Variants in DYNC2LI1 observed in about 807,000 individuals in gnomAD.
The protein encoded by DYNC2LI1 is dynein cytoplasmic 2 light intermediate chain 1, also known as cytoplasmic dynein 2 light intermediate chain 1.
A neutral mutation model predicts 51.9 loss-of-function variants in DYNC2LI1; 45 were observed. The observed-to-expected ratio is 0.87, with a 90% CI of 0.68 to 1.11. The LOEUF is 1.11. DYNC2LI1 is among the 50% of genes most tolerant of loss of function. The probability of loss-of-function intolerance (pLI) is 0.00; values close to 1 mark genes in which losing one functional copy is unlikely to be tolerated. For synonymous variants in DYNC2LI1, 130 were observed against 137.8 expected (o/e 0.94, Z 0.40); for missense variants, 490 against 417.4 (o/e 1.17, Z -1.51).
chr2:43,808,882 G>A (rs897091455), intron 12 of DYNC2LI1, among the ~76,000 whole-genome samples: 1 of 151,928 alleles, frequency 6.6e-6, no homozygotes, highest in Non-Finnish European at 1.5e-5. Flanking sequence ...AGAGCAATGG[G>A]TTTCCTTCTT....
chr2:43,796,646 A>G (rs1056146431), intron 7 of DYNC2LI1, 72 bp from the exon 8 acceptor site: 16 of 1,101,816 alleles, frequency 1.5e-5, no homozygotes, highest in Admixed American at 3.6e-5. Flanking sequence ...TCTATTCTAC[A>G]TTTAATAATT....
chr2:43,792,587 C>T, intron 5 of DYNC2LI1: 1 of 1,333,034 alleles, frequency 7.5e-7, no homozygotes, highest in Non-Finnish European at 9.9e-7. Context: ...AGTATATTCT[C>T]ATCACCATAC....
chr2:43,799,450 C>G (rs1233836839), intron 8 of DYNC2LI1, among the ~76,000 whole-genome samples: 1 of 152,136 alleles, frequency 6.6e-6, no homozygotes, highest in Non-Finnish European at 1.5e-5. Flanking sequence ...TGTGATAACT[C>G]TCTAATATAG....
At chr2:43,813,694 G>T (rs1418620740), downstream of DYNC2LI1, among the ~76,000 whole-genome samples, 27 of 116,270 alleles carry the variant, frequency 2.3e-4, no homozygotes, top group East Asian at 7.0e-4. Context: ...TGTTTTTTTT[G>T]GGGTTTTTTT....
chr2:43,797,145 A>C (rs537819989), intron 8 of DYNC2LI1, among the ~76,000 whole-genome samples: 23 of 152,358 alleles, frequency 1.5e-4, no homozygotes, highest in East Asian at 1.2e-3. Context: ...CAACTCTATC[A>C]GTGTGTGTAT....
chr2:43,776,300 A>G (rs1289301929), intron 1 of DYNC2LI1, among the ~76,000 whole-genome samples: 1 of 152,182 alleles, frequency 6.6e-6, no homozygotes, highest in Non-Finnish European at 1.5e-5. Context: ...ATACTTTTAT[A>G]TTAAACAAAA....
rs1356275154 is a variant in DYNC2LI1 at position 43,809,772 on chromosome 2, A to G, written c.*5A>G. The G allele has an allele frequency of 3.7e-6, 6 of 1,607,220 alleles. No homozygotes were observed. The highest frequency in any genetic ancestry group is 2.7e-5 in the African/African-American group (2 of 74,628). ...CAAATCGAGCTTGATTCTTGAACCT[A>G]TTTCAATTATTGTATATTTATTTCT... On this transcript the variant is annotated 3_prime_UTR_variant, in exon 13 of 13. Coordinates refer to ENST00000260605, the MANE Select transcript of DYNC2LI1 (RefSeq NM_016008.4).
In DYNC2LI1 at chr2:43,805,256, TAA is replaced by T; in HGVS notation, c.993+12_993+13del. 6.4e-7 allele frequency: 1 copy of T among 1,552,778 alleles called. No individual in the cohort carries two copies. Among genetic ancestry groups the T allele is most frequent in the Non-Finnish European group, 8.8e-7 (1 of 1,130,370 alleles). On this transcript the variant is annotated intron_variant, in intron 12 of 12. Coordinates refer to ENST00000260605, the MANE Select transcript of DYNC2LI1 (RefSeq NM_016008.4). ...AATTCAGAAGGATCTGGTATTATCC[TAA>T]ACATTTACTTAATTTCATCTGAAAT...
chr2:43,774,138 G>A lies in DYNC2LI1; in HGVS notation c.-1G>A. On this transcript the variant is annotated 5_prime_UTR_variant, in exon 1 of 13. Transcript: ENST00000260605. ...CGTTTGCGGCAGCCAGGCCGTCGAC[G>A]ATGCCCAGGTATTCCCTGAACCCGG... is the stretch of plus-strand genomic sequence containing the variant. 6.2e-7 allele frequency: 1 copy of A among 1,613,960 alleles called. No homozygotes were observed. The highest frequency in any genetic ancestry group is 8.5e-7 in the Non-Finnish European group (1 of 1,179,962).
chr2:43,822,679 G>A, the DYNC2LI1 span: 1 of 1,566,214 alleles, frequency 6.4e-7, no homozygotes. Flanking sequence ...GACACTGATG[G>A]GCAAAGTGTA....
chr2:43,809,966 G>A lies in DYNC2LI1; in HGVS notation c.*199G>A. 7.8e-7 allele frequency: 1 copy of A among 1,280,616 alleles called. No homozygotes were observed. The highest frequency in any genetic ancestry group is 1.0e-6 in the Non-Finnish European group (1 of 1,002,326). The allele number at this position is 1,280,616 out of a possible 1,614,324, so 79.3% of individuals were successfully genotyped here. A position where few individuals can be genotyped will look rare whatever the true frequency, so the allele number is the denominator to read the frequency against. On this transcript the variant is annotated 3_prime_UTR_variant, in exon 13 of 13. Transcript: ENST00000260605. ...AGGAAAAATTATTGTAGAACCACGT[G>A]TAATTTTTTTTAAAATAAAAGAATC...
At chr2:43,814,528 A>C, downstream of DYNC2LI1, 1 of 1,610,128 alleles carries the variant, frequency 6.2e-7, no homozygotes, top group Non-Finnish European at 8.5e-7. Context: ...ATCTCACTGC[A>C]ATATTTTTGG....
chr2:43,804,484 G>A (rs1666175121), intron 10 of DYNC2LI1, among the ~76,000 whole-genome samples, 158 bp from the exon 11 acceptor site: 1 of 152,206 alleles, frequency 6.6e-6, no homozygotes, highest in Non-Finnish European at 1.5e-5. Flanking sequence ...CAGTGACCTT[G>A]CTATGCTGGG....
chr2:43,824,180 A>T, the DYNC2LI1 span: 45 of 1,613,820 alleles, frequency 2.8e-5, no homozygotes, highest in Non-Finnish European at 3.8e-5. Context: ...ATGGCTAAAG[A>T]CCTCTAACAG....
At chr2:43,804,575 C>A in intron 10 of DYNC2LI1, 67 bp from the exon 11 acceptor site, 1 of 1,026,096 alleles carries the variant, frequency 9.7e-7, no homozygotes, top group Non-Finnish European at 1.4e-6. Context: ...AGTGTCATTT[C>A]TTTTATTGGT....
intron 9 of DYNC2LI1, 93 bp from the exon 10 acceptor site, chr2:43,801,546 A>T (rs1572717195): frequency 1.1e-6 from 1 of 871,660 alleles, no homozygotes; most frequent in Middle Eastern, 2.7e-4. Flanking sequence ...TAAATGTAAA[A>T]CTAGCCGATA....
intron 3 of DYNC2LI1, among the ~76,000 whole-genome samples, chr2:43,785,776 A>G (rs1673499093): frequency 6.6e-6 from 1 of 151,922 alleles, no homozygotes. Flanking sequence ...AAATAATCAA[A>G]CTCAGAAACA....
chr2:43,780,923 G>T (rs7560245), intron 2 of DYNC2LI1, among the ~76,000 whole-genome samples: 64,576 of 151,962 alleles, frequency 0.42, 15,646 homozygotes, highest in African/African-American at 0.66. Flanking sequence ...ACAGCCACAT[G>T]CTCAGGGGAC....
intron 2 of DYNC2LI1, among the ~76,000 whole-genome samples, 162 bp downstream of exon 2, chr2:43,777,061 A>G (rs1673060939): frequency 6.6e-6 from 1 of 152,232 alleles, no homozygotes; most frequent in Non-Finnish European, 1.5e-5. Flanking sequence ...AGGAAAAACT[A>G]TAATAGTAAA....
Sources: gnomAD v4.1 joint callset for allele counts (sites outside exome capture counted in the v4.1 genomes callset) on GRCh38, gnomAD v4.1.1 for gene constraint, MANE v1.5 for transcripts, NCBI Gene and HGNC (gene_info 2026-07-23, HGNC 2026-07-21) for gene names.